The following RTN4RL1 variants were observed in gnomAD, a reference collection of about 807,000 sequenced individuals.
RTN4RL1 encodes reticulon 4 receptor like 1.
In RTN4RL1, 7 loss-of-function variants were observed where a neutral mutation model predicts 25.6. The observed-to-expected ratio is 0.27, with a 90% CI of 0.16 to 0.51. The LOEUF is 0.51. Ranked by LOEUF, RTN4RL1 falls within the 20% of genes least tolerant of loss-of-function variation. The probability of loss-of-function intolerance (pLI) is 0.97; values close to 1 mark genes in which losing one functional copy is unlikely to be tolerated. For synonymous variants in RTN4RL1, 297 were observed against 288.2 expected, an observed-to-expected ratio of 1.03 and a Z score of -0.31; for missense variants, 500 against 615.6, an observed-to-expected ratio of 0.81 and a Z score of 1.99.
chr17:1,945,500 G>A (rs1915517689), intron 1 of RTN4RL1, among the ~76,000 whole-genome samples: 1 of 152,284 alleles, frequency 6.6e-6, no homozygotes, highest in East Asian at 1.9e-4. Flanking sequence ...GATTACAGGT[G>A]TGAGCCACTG....
At position 1,937,291 on chromosome 17, in the gene RTN4RL1, G is replaced by A. The variant is rs1273767304; in HGVS notation, c.531C>T (p.His177=). The change falls in exon 2 of 2, where the codon CAC becomes CAT. Residue 177 remains histidine, a synonymous_variant. Coordinates refer to ENST00000331238, the MANE Select transcript of RTN4RL1 (RefSeq NM_178568.4). ...ACAGCTTGTTGCCGTGGAGAAACAG[G>A]TGGCTGAGGTTGACCAGGTCCACGA... The part of the protein sequence containing the change: ...DIFVDLVNLS[H]LFLHGNKLWS... 18 of 1,613,050 alleles carry A rather than the reference G, an allele frequency of 1.1e-5. No homozygotes were observed. The highest frequency in any genetic ancestry group is 5.0e-5 in the Admixed American group (3 of 60,010).
rs957241996 is a variant in RTN4RL1, at chr17:1,937,357, G to A, written c.465C>T (p.Tyr155=). ...GGTACTCGATGTGGTTGTCCTGCAG[G>A]TAGAGGTACTGCAGGCTGTGCAGGC... The part of the protein sequence containing the change: ...FGGLHSLQYL[Y]LQDNHIEYLQ... The change falls in exon 2 of 2, where the codon TAC becomes TAT. Residue 155 remains tyrosine (Y), a synonymous_variant. Coordinates refer to ENST00000331238, the MANE Select transcript of RTN4RL1 (RefSeq NM_178568.4). The A allele has an allele frequency of 1.2e-6, 2 of 1,613,690 alleles. No individual in the cohort carries two copies. The highest frequency in any genetic ancestry group is 2.2e-5 in the East Asian group (1 of 44,872).
At chr17:1,966,873 C>A (rs2066793617) in intron 1 of RTN4RL1, among the ~76,000 whole-genome samples, 1 of 152,222 alleles carries the variant, frequency 6.6e-6, no homozygotes, top group Admixed American at 6.5e-5. Context: ...CCCTCCCTCA[C>A]TGCCTTCAGG....
At chr17:2,022,313 C>T (rs970721770) in intron 1 of RTN4RL1, among the ~76,000 whole-genome samples, 3 of 151,986 alleles carry the variant, frequency 2.0e-5, no homozygotes, top group African/African-American at 7.2e-5. Flanking sequence ...GAAACTCTGT[C>T]TCAAAAAAAA....
At chr17:2,002,679 C>T (rs1196859873) in intron 1 of RTN4RL1, among the ~76,000 whole-genome samples, 2 of 152,112 alleles carry the variant, frequency 1.3e-5, no homozygotes, top group African/African-American at 4.8e-5. Flanking sequence ...CTGTCTCCCT[C>T]TCTCTTCCTC....
chr17:1,950,717 C>T (rs935007599), intron 1 of RTN4RL1, among the ~76,000 whole-genome samples: 7 of 151,392 alleles, frequency 4.6e-5, no homozygotes, highest in Non-Finnish European at 8.8e-5. Flanking sequence ...TGTGGTGGCG[C>T]GCACCTGTAA....
intron 1 of RTN4RL1, among the ~76,000 whole-genome samples, chr17:2,000,300 G>C (rs1416723246): frequency 6.6e-6 from 1 of 152,190 alleles, no homozygotes; most frequent in Non-Finnish European, 1.5e-5. Context: ...GGAATGTCAG[G>C]ACGGGAGGCA....
At chr17:1,951,795 A>G (rs1368977679) in intron 1 of RTN4RL1, among the ~76,000 whole-genome samples, 2 of 152,204 alleles carry the variant, frequency 1.3e-5, no homozygotes, top group South Asian at 2.1e-4. Context: ...ATCAACTGTG[A>G]TGAGGACTGC....
At chr17:2,023,864 G>A (rs1394647674) in intron 1 of RTN4RL1, among the ~76,000 whole-genome samples, 1 of 152,158 alleles carries the variant, frequency 6.6e-6, no homozygotes, top group Non-Finnish European at 1.5e-5. Flanking sequence ...AGCCGCTCCC[G>A]CAGGGCCGGG....
chr17:1,998,366 CCCGCGCTGAGAGATCGGGGTTA>C lies in RTN4RL1; in HGVS notation c.13+26465_13+26486del, dbSNP rs2066939653. Among the ~76,000 whole-genome samples, 1 of 152,106 alleles carries C rather than the reference CCCGCGCTGAGAGATCGGGGTTA, an allele frequency of 6.6e-6. No individual in the cohort carries two copies. The highest frequency in any genetic ancestry group is 6.5e-5 in the Admixed American group (1 of 15,276). On this transcript the variant is annotated intron_variant, in intron 1 of 1. Transcript: ENST00000331238. The surrounding 1 kb of genome is among the most constrained non-coding windows in gnomAD (Gnocchi z 4.9). ...GGTCTTCTCGCTCTAGAGCCGGGGG[CCCGCGCTGAGAGATCGGGGTTA>C]CCGCGCGGGGAGCCGCGGCCGCGCT...
intron 1 of RTN4RL1, among the ~76,000 whole-genome samples, chr17:1,948,448 A>G (rs1915605117): frequency 6.6e-6 from 1 of 152,200 alleles, no homozygotes; most frequent in South Asian, 2.1e-4. Context: ...GGTTTCAGTG[A>G]AGGCTCTGGG....
rs568284410 is a variant in RTN4RL1, at chr17:2,008,694, G to T, written c.13+16159C>A. Among the ~76,000 whole-genome samples, 4 of 152,218 alleles carry T rather than the reference G, an allele frequency of 2.6e-5. No individual in the cohort carries two copies. The South Asian group carries it at 8.3e-4, about 32-fold the overall frequency. ...CCACCAATCCGCCCTACCACTAACT[G>T]ATCTGCCACCGATCCGTGGCACGAA... On this transcript the variant is annotated intron_variant, in intron 1 of 1. Transcript: ENST00000331238.
intron 1 of RTN4RL1, among the ~76,000 whole-genome samples, chr17:1,948,011 C>T (rs1276795414): frequency 6.6e-6 from 1 of 152,178 alleles, no homozygotes; most frequent in Non-Finnish European, 1.5e-5. Flanking sequence ...GGGAGCTGCC[C>T]CCACTCCTGC....
At position 1,937,316 on chromosome 17, in the gene RTN4RL1, A is replaced by G; in HGVS notation, c.506T>C (p.Phe169Ser). ...NHIEYLQDDI[F>S]VDLVNLSHLF... is the part of the protein sequence containing the mutation. ...GTGGCTGAGGTTGACCAGGTCCACG[A>G]AGATGTCGTCCTGGAGGTACTCGAT... Residue 169 changes from phenylalanine to serine, a missense_variant, in exon 2 of 2, where the codon TTC (phenylalanine) becomes TCC (serine). Phe to Ser is a radical substitution (Grantham distance 155). Coordinates refer to ENST00000331238, the MANE Select transcript of RTN4RL1 (RefSeq NM_178568.4). 1 of 1,613,524 alleles carries G rather than the reference A, an allele frequency of 6.2e-7. No homozygotes were observed.
Position 2,025,080 on chromosome 17 carries a change from T to A in RTN4RL1, c.-215A>T, listed in dbSNP as rs898048208. ...CGGCGCCCGCAAGCAACCGTGGTGC[T>A]GCCCGGCAGCCCCGCGCGCTTGCTC... On this transcript the variant is annotated 5_prime_UTR_variant, in exon 1 of 2. Coordinates refer to ENST00000331238, the MANE Select transcript of RTN4RL1 (RefSeq NM_178568.4). The surrounding 1 kb of genome is among the most constrained non-coding windows in gnomAD (Gnocchi z 4.8). 1.7e-5 allele frequency: 7 copies of A among 411,880 alleles called. No individual in the cohort carries two copies. The highest frequency in any genetic ancestry group is 3.0e-5 in the Non-Finnish European group (7 of 233,734). 25.5% of individuals were successfully genotyped at this position (411,880 alleles called of 1,614,324 possible).
At chr17:1,982,740 C>T (rs1362639089) in intron 1 of RTN4RL1, among the ~76,000 whole-genome samples, 2 of 152,214 alleles carry the variant, frequency 1.3e-5, no homozygotes, top group Admixed American at 1.3e-4. Context: ...CCGCCAGGCT[C>T]CCCGACAGCT....
At chr17:1,996,465 A>G (rs1424101343) in intron 1 of RTN4RL1, among the ~76,000 whole-genome samples, 1 of 137,076 alleles carries the variant, frequency 7.3e-6, no homozygotes, top group Non-Finnish European at 1.5e-5. Context: ...GCTACCCCCA[A>G]CTTTTTTCTG....
intron 1 of RTN4RL1, among the ~76,000 whole-genome samples, chr17:1,989,799 C>T (rs556878472): frequency 6.6e-6 from 1 of 152,050 alleles, no homozygotes; most frequent in South Asian, 2.1e-4. Context: ...GTCTCGAACT[C>T]CTGACCTCAT....
chr17:1,987,222 T>C (rs932928433), intron 1 of RTN4RL1, among the ~76,000 whole-genome samples: 4 of 152,050 alleles, frequency 2.6e-5, no homozygotes, highest in African/African-American at 7.2e-5. Flanking sequence ...TGCGCCATGA[T>C]AGAGCCAGCT....
Sources: gnomAD v4.1 joint callset for allele counts (sites outside exome capture counted in the v4.1 genomes callset) on GRCh38, gnomAD v4.1.1 for gene constraint, Gnocchi (gnomAD v3.1) non-coding constraint, MANE v1.5 for transcripts, NCBI Gene and HGNC (gene_info 2026-07-23, HGNC 2026-07-21) for gene names.